RELCH: variants seen among roughly 807,000 people sequenced by gnomAD.
RELCH encodes the protein RAB11-binding protein RELCH.
Under a neutral mutation model 150.3 loss-of-function variants are expected in RELCH, and 41 were observed. The ratio of observed to expected loss-of-function variants is 0.27; its 90% CI spans 0.21 to 0.35. The LOEUF (loss-of-function observed/expected upper bound fraction) is 0.35, where lower values mean the gene tolerates loss of function less well. Ranked by LOEUF, RELCH falls within the 10% of genes least tolerant of loss-of-function variation. The probability of loss-of-function intolerance (pLI) is 1.00; values close to 1 mark genes in which losing one functional copy is unlikely to be tolerated. For synonymous variants in RELCH, 478 were observed against 531.8 expected, an observed-to-expected ratio of 0.90 and a Z score of 1.39; for missense variants, 1,092 against 1,467.8, an observed-to-expected ratio of 0.74 and a Z score of 4.18.
Position 62,291,677 on chromosome 18 carries a change from C to T in RELCH, c.3459+46C>T, listed in dbSNP as rs765612690. On this transcript the variant is annotated intron_variant, in intron 27 of 28. Coordinates refer to ENST00000644646, the MANE Select transcript of RELCH (RefSeq NM_001346231.2). ...GTGCCATATTCATGTTTTAATACCTCATATATAGACTTGCAGTCTTCTCTA... is the reference window on the plus strand; with the variant it reads ...GTGCCATATTCATGTTTTAATACCTTATATATAGACTTGCAGTCTTCTCTA... 7 of 1,221,378 alleles carry T rather than the reference C, an allele frequency of 5.7e-6. 1 individual carries two copies. In the South Asian group the frequency reaches 9.1e-5, roughly 16 times the overall value. 75.7% of individuals were successfully genotyped at this position (1,221,378 alleles called of 1,614,324 possible).
At chr18:62,249,860 A>C (rs1600079703) in intron 11 of RELCH, among the ~76,000 whole-genome samples, 1 of 152,126 alleles carries the variant, frequency 6.6e-6, no homozygotes, top group African/African-American at 2.4e-5. Context: ...TATAAATAAC[A>C]TGAAAAAAGC....
At chr18:62,200,809 T>C (rs2039381218) in intron 1 of RELCH, among the ~76,000 whole-genome samples, 1 of 152,014 alleles carries the variant, frequency 6.6e-6, no homozygotes, top group East Asian at 1.9e-4. Context: ...AAGAAACTTT[T>C]CATTAGTATT....
In RELCH at chr18:62,263,973, C is replaced by T. The variant is rs2043410963; in HGVS notation, c.2351-16C>T. The T allele has an allele frequency of 1.3e-6, 2 of 1,595,958 alleles. No individual in the cohort carries two copies. The highest frequency in any genetic ancestry group is 1.7e-6 in the Non-Finnish European group (2 of 1,172,436). ...GCCAATTTCCATATGATTTATTTTG[C>T]TTCTTTTATGTGTAGTGACTAGGTT... is the stretch of plus-strand genomic sequence containing the variant. On this transcript the variant is annotated splice_polypyrimidine_tract_variant and intron_variant, in intron 16 of 28. Transcript: ENST00000644646.
At chr18:62,287,564 A>C in intron 26 of RELCH, 97 bp downstream of exon 26, 2 of 725,236 alleles carry the variant, frequency 2.8e-6, no homozygotes, top group Non-Finnish European at 4.8e-6. Flanking sequence ...TCTTTTCTTC[A>C]ACTTACATTA....
chr18:62,251,598 T>C (rs2042705824), intron 11 of RELCH, among the ~76,000 whole-genome samples: 1 of 152,216 alleles, frequency 6.6e-6, no homozygotes, highest in African/African-American at 2.4e-5. Flanking sequence ...CTAGGCCCAG[T>C]CTGCACTCAA....
At chr18:62,217,800 G>A (rs986186657) in intron 2 of RELCH, among the ~76,000 whole-genome samples, 6 of 151,964 alleles carry the variant, frequency 3.9e-5, no homozygotes, top group Non-Finnish European at 8.8e-5. Context: ...CCAACTTTGA[G>A]ATGAGTGATA....
intron 10 of RELCH, chr18:62,235,533 C>G (rs1406823867): frequency 2.6e-5 from 4 of 152,004 alleles, no homozygotes; most frequent in Non-Finnish European, 5.9e-5. Flanking sequence ...ATCTGTAGAT[C>G]TCTTTGGGAG....
At chr18:62,274,942 G>A (rs1338989456) in intron 21 of RELCH, among the ~76,000 whole-genome samples, 2 of 152,170 alleles carry the variant, frequency 1.3e-5, no homozygotes. Context: ...TTTTGAGACG[G>A]AGTCTCGCTC....
At position 62,259,762 on chromosome 18, in the gene RELCH, T is replaced by A. The variant is rs150986051; in HGVS notation, c.2202+1086T>A. Among the ~76,000 whole-genome samples the A allele has an allele frequency of 6.1e-3, 930 of 151,972 alleles. 5 individuals are homozygous for A. The highest frequency in any genetic ancestry group is 0.01 in the Non-Finnish European group (708 of 67,870). ...ACTTCAAAGCAGTAGTAACCAAACA[T>A]CTTGGTATTGGCATAAAACAGACAT... On this transcript the variant is annotated intron_variant, in intron 15 of 28. Coordinates refer to ENST00000644646, the MANE Select transcript of RELCH (RefSeq NM_001346231.2).
Position 62,221,364 on chromosome 18 carries a change from G to T in RELCH, c.745-20G>T. ...GAGGAATACTTATGATTTCCTGTTT[G>T]CCTCTTATTTTGCTTCCAGGAGCCA... On this transcript the variant is annotated intron_variant, in intron 4 of 28. Coordinates refer to ENST00000644646, the MANE Select transcript of RELCH (RefSeq NM_001346231.2). The T allele has an allele frequency of 6.4e-7, 1 of 1,552,570 alleles. No individual in the cohort carries two copies.
chr18:62,260,851 G>A (rs1482699705), intron 15 of RELCH, among the ~76,000 whole-genome samples: 2 of 151,986 alleles, frequency 1.3e-5, no homozygotes, highest in Admixed American at 1.3e-4. Flanking sequence ...TCACTCACAT[G>A]TGGGAGCTTA....
At chr18:62,261,180 C>G (rs1340202183) in intron 15 of RELCH, among the ~76,000 whole-genome samples, 1 of 151,896 alleles carries the variant, frequency 6.6e-6, no homozygotes, top group Non-Finnish European at 1.5e-5. Flanking sequence ...ATTTATGTAT[C>G]AATTCTAACA....
chr18:62,302,606 C>T (rs1383036590), intron 28 of RELCH, among the ~76,000 whole-genome samples: 2 of 152,044 alleles, frequency 1.3e-5, no homozygotes, highest in Admixed American at 6.5e-5. Flanking sequence ...CTGCAACCTC[C>T]GCCTCCCAGG....
In RELCH at chr18:62,307,594, T is replaced by C. The variant is rs2045916438; in HGVS notation, c.*2060T>C. On this transcript the variant is annotated 3_prime_UTR_variant, in exon 29 of 29. Transcript: ENST00000644646. ...TTGTTTGTTTGTTTTTAGTAAAATATGTCTTGTCTTTACAGACAAGACAGA... is the reference window on the plus strand; with the variant it reads ...TTGTTTGTTTGTTTTTAGTAAAATACGTCTTGTCTTTACAGACAAGACAGA... 6.6e-6 allele frequency: 1 copy of C among 152,182 alleles called. No homozygotes were observed. Among genetic ancestry groups the C allele is most frequent in the Non-Finnish European group, 1.5e-5 (1 of 68,000 alleles). The allele number at this position is 152,182 out of a possible 1,614,324, so 9.4% of individuals were successfully genotyped here.
At chr18:62,229,520 GTC>G (rs1491360274) in intron 8 of RELCH, among the ~76,000 whole-genome samples, 13 of 142,392 alleles carry the variant, frequency 9.1e-5, no homozygotes, top group South Asian at 4.5e-4. Flanking sequence ...GTGTGTGTGT[GTC>G]TGTCTGTCTG....
intron 27 of RELCH, 90 bp from the exon 28 acceptor site, chr18:62,298,700 T>A: frequency 1.5e-6 from 1 of 672,084 alleles, no homozygotes; most frequent in Non-Finnish European, 2.6e-6. Flanking sequence ...CATATTAGCT[T>A]ATAGGAATAT....
rs1283175130 is a variant in RELCH, at chr18:62,187,841, G to A, written c.336G>A (p.Glu112=). 1.9e-6 allele frequency: 3 copies of A among 1,592,252 alleles called. No individual in the cohort carries two copies. The South Asian group carries it at 3.4e-5, about 18-fold the overall frequency. ...LRDQYLLTAL[E]LHTELLESGR... ...ATCAATACTTGCTGACCGCCCTGGAGCTGCATACCGAGCTGTTAGAGAGTG... is the reference window on the plus strand; with the variant it reads ...ATCAATACTTGCTGACCGCCCTGGAACTGCATACCGAGCTGTTAGAGAGTG... Residue 112 remains glutamate, a synonymous_variant, in exon 1 of 29, where the codon GAG becomes GAA. Coordinates refer to ENST00000644646, the MANE Select transcript of RELCH (RefSeq NM_001346231.2).
chr18:62,235,993 A>T (rs935268313), intron 10 of RELCH, among the ~76,000 whole-genome samples: 2 of 151,894 alleles, frequency 1.3e-5, no homozygotes, highest in African/African-American at 4.8e-5. Context: ...TACAATTTGG[A>T]TGGTAATGTT....
In RELCH at chr18:62,227,452, G is replaced by A; in HGVS notation, c.1022G>A (p.Ser341Asn). 6.2e-7 allele frequency: 1 copy of A among 1,613,274 alleles called. No individual in the cohort carries two copies. Among genetic ancestry groups the A allele is most frequent in the Non-Finnish European group, 8.5e-7 (1 of 1,179,596 alleles). ...DELEALTPII[S>N]NLPPTLETPQ... ...TTAGAGGCCCTTACACCAATTATAA[G>A]CAACCTTCCTCCAACTCTTGAAACT... Residue 341 changes from serine (S) to asparagine (N), a missense_variant, in exon 6 of 29, where the codon AGC becomes AAC. Coordinates refer to ENST00000644646, the MANE Select transcript of RELCH (RefSeq NM_001346231.2).
Sources: allele counts gnomAD v4.1 joint callset (sites outside exome capture counted in the v4.1 genomes callset), GRCh38; gene constraint gnomAD v4.1.1; transcripts MANE v1.5; gene names NCBI Gene and HGNC (gene_info 2026-07-23, HGNC 2026-07-21).